The following COL20A1 variants were observed in gnomAD, a reference collection of about 807,000 sequenced individuals.
COL20A1 encodes the protein collagen type XX alpha 1 chain, also known as collagen alpha-1(XX) chain.
A neutral mutation model predicts 152.9 loss-of-function variants in COL20A1; 164 were observed. The observed-to-expected ratio is 1.07, with a 90% confidence interval of 0.94 to 1.22. The LOEUF is 1.22. COL20A1 is among the 50% of genes most tolerant of loss of function. COL20A1 has a pLI of 0.00. For synonymous variants in COL20A1, 864 were observed against 756.0 expected (o/e 1.14, Z -2.34); for missense variants, 1,873 against 1,744.8 (o/e 1.07, Z -1.31).
chr20:63,295,034 G>A (rs557953966), intron 1 of COL20A1, 64 bp from the exon 2 acceptor site: 48 of 1,050,334 alleles, frequency 4.6e-5, no homozygotes, highest in Non-Finnish European at 5.3e-5. Flanking sequence ...AAGCTCTGGC[G>A]TTGTGGTCAG....
intron 20 of COL20A1, among the ~76,000 whole-genome samples, chr20:63,315,717 G>A (rs1190461604): frequency 1.3e-5 from 2 of 152,206 alleles, no homozygotes; most frequent in Non-Finnish European, 2.9e-5. Flanking sequence ...CCCATTCCAG[G>A]GTCTCTGCTG....
At chr20:63,326,364 T>G (rs1430003544) in intron 30 of COL20A1, among the ~76,000 whole-genome samples, 1 of 152,184 alleles carries the variant, frequency 6.6e-6, no homozygotes, top group East Asian at 1.9e-4. Context: ...GGCTCTGTGC[T>G]GAGGACTCAG....
rs2068133320 is a variant in COL20A1, at chr20:63,319,682, C to T, written c.2916+86C>T. The T allele has an allele frequency of 2.2e-6, 2 of 892,030 alleles. No homozygotes were observed. Among genetic ancestry groups the T allele is most frequent in the South Asian group, 1.5e-5 (1 of 65,938 alleles). 55.3% of individuals were successfully genotyped at this position (892,030 alleles called of 1,614,324 possible). ...ACAGGGACCTGCCGGATGCCAACTC[C>T]TCTCCCTAGGAGAGCAGGACCTTCC... On this transcript the variant is annotated intron_variant, in intron 23 of 35. Transcript: ENST00000358894. This position sits in a 1 kb window ranked among gnomAD's most constrained non-coding sequence, Gnocchi z 4.4.
chr20:63,318,894 C>T (rs1224884963), intron 21 of COL20A1, among the ~76,000 whole-genome samples, 164 bp from the exon 22 acceptor site: 2 of 152,020 alleles, frequency 1.3e-5, no homozygotes, highest in Non-Finnish European at 2.9e-5. Flanking sequence ...CCTCCACGCT[C>T]AGTCTACAGC....
chr20:63,316,454 G>A, intron 20 of COL20A1, 99 bp from the exon 21 acceptor site: 1 of 606,454 alleles, frequency 1.6e-6, no homozygotes, highest in Non-Finnish European at 2.4e-6. Flanking sequence ...CCGCACTGCA[G>A]CCCCTGGGTC....
rs1203787737 is a variant in COL20A1 at position 63,306,290 on chromosome 20, G to A, written c.496+251G>A. ...AGTTCTTCCTCGTGTCTGACCACAC[G>A]GTCTCTGACCACGAGGCCGGGAAGT... On this transcript the variant is annotated intron_variant, in intron 5 of 35. Coordinates refer to ENST00000358894, the MANE Select transcript of COL20A1 (RefSeq NM_020882.4). The surrounding 1 kb of genome is among the most constrained non-coding windows in gnomAD (Gnocchi z 6.9). Among the ~76,000 whole-genome samples the A allele has an allele frequency of 1.0e-5, 1 of 97,274 alleles. No individual in the cohort carries two copies. Among genetic ancestry groups the A allele is most frequent in the South Asian group, 4.9e-4 (1 of 2,048 alleles). 63.8% of individuals were successfully genotyped at this position (97,274 alleles called of 152,430 possible).
intron 21 of COL20A1, among the ~76,000 whole-genome samples, chr20:63,317,293 A>G (rs1340289266): frequency 6.6e-6 from 1 of 152,060 alleles, no homozygotes; most frequent in East Asian, 1.9e-4. Flanking sequence ...GCAAGACCCC[A>G]TCTCTACAAA....
Position 63,328,332 on chromosome 20 carries a change from A to T in COL20A1, c.3615A>T (p.Ser1205=), listed in dbSNP as rs2123438507. 1 of 1,610,744 alleles carries T rather than the reference A, an allele frequency of 6.2e-7. No homozygotes were observed. The highest frequency in any genetic ancestry group is 8.5e-7 in the Non-Finnish European group (1 of 1,178,626). ...TGCTGACACCCCTCCTCCCCACAGC[A>T]CACGTGTCAAAGTTCGACTCCTTCC... ...ATLYQLVSQA[S]HVSKFDSFHE... is the part of the protein sequence containing the mutation. The change falls in exon 34 of 36, where the codon TCA becomes TCT. Residue 1205 remains serine, a splice_region_variant and synonymous_variant. Coordinates refer to ENST00000358894, the MANE Select transcript of COL20A1 (RefSeq NM_020882.4).
chr20:63,318,125 C>A lies in COL20A1; in HGVS notation c.2664-933C>A, dbSNP rs187952473. ...GTGGCATGAGCAGGCACTTCCCATG[C>A]CTGTTTGCCCTTCCAGAGCTCACAG... is the stretch of plus-strand genomic sequence containing the variant. On this transcript the variant is annotated intron_variant, in intron 21 of 35. Transcript: ENST00000358894. Among the ~76,000 whole-genome samples the A allele has an allele frequency of 1.7e-3, 253 of 152,344 alleles. 1 individual carries two copies. Among genetic ancestry groups the A allele is most frequent in the African/African-American group, 5.3e-3 (219 of 41,578 alleles).
intron 3 of COL20A1, among the ~76,000 whole-genome samples, chr20:63,300,442 AAGTT>A (rs1455311658): frequency 8.5e-5 from 13 of 152,150 alleles, no homozygotes; most frequent in African/African-American, 3.1e-4. Flanking sequence ...CAGTTTTGGT[AAGTT>A]AGTTTTTTAA....
chr20:63,301,282 T>C (rs907339504), intron 3 of COL20A1, among the ~76,000 whole-genome samples: 5 of 152,160 alleles, frequency 3.3e-5, no homozygotes, highest in Non-Finnish European at 5.9e-5. Flanking sequence ...ACCACTGCAC[T>C]CCAGTCTGGG....
At chr20:63,299,874 GTA>G (rs200147666) in intron 3 of COL20A1, among the ~76,000 whole-genome samples, 1 of 151,138 alleles carries the variant, frequency 6.6e-6, no homozygotes. Flanking sequence ...TACGTTGTGT[GTA>G]TATATATATG....
At chr20:63,297,087 G>T (rs1291751521) in intron 2 of COL20A1, among the ~76,000 whole-genome samples, 2 of 151,508 alleles carry the variant, frequency 1.3e-5, no homozygotes, top group African/African-American at 4.9e-5. Flanking sequence ...ACGCACACAT[G>T]TACCAACGTG....
rs6089887 is a variant in COL20A1 at position 63,328,957 on chromosome 20, C to A, written c.3781+459C>A. On this transcript the variant is annotated intron_variant, in intron 34 of 35. Coordinates refer to ENST00000358894, the MANE Select transcript of COL20A1 (RefSeq NM_020882.4). ...TGGTGCTCCTCCTCCTCTGAGGCAG[C>A]AGCGGTGGGTCATGACTTGGACGCT... Among the ~76,000 whole-genome samples, 641 of 152,316 alleles carry A rather than the reference C, an allele frequency of 4.2e-3. 6 individuals carry two copies. The highest frequency in any genetic ancestry group is 0.019 in the South Asian group (91 of 4,828).
chr20:63,316,774 A>T, intron 21 of COL20A1, 83 bp downstream of exon 21: 171 of 1,134,190 alleles, frequency 1.5e-4, no homozygotes, highest in Non-Finnish European at 1.7e-4. Context: ...GGGGGCGGGC[A>T]TGGGCCGGAG....
In COL20A1 at chr20:63,309,788, C is replaced by T; in HGVS notation, c.1136C>T (p.Ala379Val). 1.3e-6 allele frequency: 2 copies of T among 1,599,912 alleles called. No homozygotes were observed. The highest frequency in any genetic ancestry group is 1.1e-5 in the South Asian group (1 of 88,856). The change falls in exon 10 of 36, where the codon GCC becomes GTC. Residue 379 changes from alanine to valine, a missense_variant. Physicochemically the swap from Ala to Val is moderately conservative, Grantham distance 64. Coordinates refer to ENST00000358894, the MANE Select transcript of COL20A1 (RefSeq NM_020882.4). ...AAAPALDTLP[A>V]PTSLVLSQVT... ...GCTCCAGCCCTGGACACCCTCCCTG[C>T]CCCCACCAGCCTGGTCCTGAGCCAG... is the stretch of plus-strand genomic sequence containing the variant.
At chr20:63,320,448 T>C (rs2068147058) in intron 25 of COL20A1, 80 bp downstream of exon 25, 1 of 1,372,712 alleles carries the variant, frequency 7.3e-7, no homozygotes, top group Non-Finnish European at 1.0e-6. Flanking sequence ...CTGGGGTCAG[T>C]TGGCCTGTCC....
chr20:63,302,670 A>G (rs77522237), intron 3 of COL20A1, among the ~76,000 whole-genome samples: 1,695 of 151,948 alleles, frequency 0.011, 37 homozygotes, highest in African/African-American at 0.039. Flanking sequence ...GTGTGAACAG[A>G]GTCTACACAC....
Position 63,325,429 on chromosome 20 carries a change from T to TC in COL20A1, c.3295-12_3295-11insC. The stretch of plus-strand genomic sequence containing the variant: ...CCTCCGCTTCGCTGTCCAGCCCATC[T>TC]TCCCCCTCCAGGGTCCACCAGGGGT... On this transcript the variant is annotated splice_polypyrimidine_tract_variant and intron_variant, in intron 27 of 35. Transcript: ENST00000358894. 6.2e-7 allele frequency: 1 copy of TC among 1,606,164 alleles called. No individual in the cohort carries two copies. Among genetic ancestry groups the TC allele is most frequent in the Non-Finnish European group, 8.5e-7 (1 of 1,173,852 alleles).
Sources: allele counts gnomAD v4.1 joint callset (sites outside exome capture counted in the v4.1 genomes callset), GRCh38; gene constraint gnomAD v4.1.1; non-coding constraint Gnocchi (gnomAD v3.1); transcripts MANE v1.5; gene names NCBI Gene and HGNC (gene_info 2026-07-23, HGNC 2026-07-21).